Variants in DNAJC10 observed in about 807,000 individuals in gnomAD.
The protein encoded by DNAJC10 is DnaJ heat shock protein family (Hsp40) member C10.
In DNAJC10, 101 loss-of-function variants were observed where a neutral mutation model predicts 115.0. The observed-to-expected ratio is 0.88, with a 90% CI of 0.75 to 1.04. DNAJC10 has a LOEUF of 1.04. DNAJC10 is among the 50% of genes least tolerant of loss of function. DNAJC10 has a pLI of 0.00. For synonymous variants in DNAJC10, 307 were observed against 301.5 expected, an observed-to-expected ratio of 1.02 and a Z score of -0.19; for missense variants, 981 against 928.8, an observed-to-expected ratio of 1.06 and a Z score of -0.73.
At chr2:182,740,190 T>C in intron 11 of DNAJC10, 109 bp from the exon 12 acceptor site, 3 of 1,185,458 alleles carry the variant, frequency 2.5e-6, no homozygotes, top group Non-Finnish European at 3.3e-6. Context: ...CTATTTACCT[T>C]CTATAATCAT....
In DNAJC10 at chr2:182,759,087, T is replaced by G. The variant is rs979978198; in HGVS notation, c.1998-73T>G. On this transcript the variant is annotated intron_variant, in intron 20 of 23. Coordinates refer to ENST00000264065, the MANE Select transcript of DNAJC10 (RefSeq NM_018981.4). ...ACATCATTTTTAACTTAGAAAGTAT[T>G]ACAATATTATTGCATTTCATATGTT... is the stretch of plus-strand genomic sequence containing the variant. 4.0e-5 allele frequency: 53 copies of G among 1,316,266 alleles called. 1 individual carries two copies. In the Middle Eastern group the frequency reaches 5.9e-4, roughly 15 times the overall value. 81.5% of individuals were successfully genotyped at this position (1,316,266 alleles called of 1,614,324 possible).
At chr2:182,759,955 G>A (rs1029980883) in intron 21 of DNAJC10, among the ~76,000 whole-genome samples, 1 of 152,056 alleles carries the variant, frequency 6.6e-6, no homozygotes, top group East Asian at 1.9e-4. Context: ...TTGTTCAAGA[G>A]TCATCTATGG....
At position 182,720,098 on chromosome 2, in the gene DNAJC10, A is replaced by G; in HGVS notation, c.296A>G (p.Tyr99Cys). ...DEDLRKKYDK[Y>C]GEKGLEDNQG... ...GATCTACGGAAAAAGTATGACAAATATGGAGAAAAGGGACTTGAGGATAAT... is the reference window on the plus strand; with the variant it reads ...GATCTACGGAAAAAGTATGACAAATGTGGAGAAAAGGGACTTGAGGATAAT... Residue 99 changes from tyrosine to cysteine, a missense_variant, in exon 4 of 24, where the codon TAT becomes TGT. Tyr to Cys is a radical substitution (Grantham distance 194, BLOSUM62 -2). Coordinates refer to ENST00000264065, the MANE Select transcript of DNAJC10 (RefSeq NM_018981.4). The G allele has an allele frequency of 1.2e-6, 2 of 1,611,812 alleles. No individual in the cohort carries two copies. The highest frequency in any genetic ancestry group is 1.7e-6 in the Non-Finnish European group (2 of 1,178,360).
chr2:182,783,598 A>AT lies in DNAJC10; in HGVS notation c.*6471dup, dbSNP rs1377023890. On this transcript the variant is annotated 3_prime_UTR_variant, in exon 24 of 24. Transcript: ENST00000264065. The stretch of plus-strand genomic sequence containing the variant: ...GTAAAGTCTGTTCCATTTTTCCTCT[A>AT]TTTTTGAGAAATCTTAGATTTATCT... 1 of 152,102 alleles carries AT rather than the reference A, an allele frequency of 6.6e-6. No individual in the cohort carries two copies. Among genetic ancestry groups the AT allele is most frequent in the Non-Finnish European group, 1.5e-5 (1 of 68,008 alleles). The allele number at this position is 152,102 out of a possible 1,614,324, so 9.4% of individuals were successfully genotyped here.
At chr2:182,734,650 CTG>C (rs1693541012) in intron 10 of DNAJC10, among the ~76,000 whole-genome samples, 1 of 151,790 alleles carries the variant, frequency 6.6e-6, no homozygotes, top group Non-Finnish European at 1.5e-5. Context: ...CTATCAATAA[CTG>C]AGAGAGTGTC....
intron 22 of DNAJC10, among the ~76,000 whole-genome samples, chr2:182,765,236 A>G (rs1270530364): frequency 6.6e-6 from 1 of 152,138 alleles, no homozygotes; most frequent in Non-Finnish European, 1.5e-5. Context: ...ATGGGGAAAA[A>G]AAGGGGGATT....
chr2:182,741,801 G>A (rs548819189), intron 13 of DNAJC10, among the ~76,000 whole-genome samples: 1 of 152,052 alleles, frequency 6.6e-6, no homozygotes, highest in East Asian at 1.9e-4. Flanking sequence ...CATTTTGTGA[G>A]TGCCCATATG....
chr2:182,741,663 C>A (rs1693740948), intron 13 of DNAJC10, among the ~76,000 whole-genome samples: 1 of 151,868 alleles, frequency 6.6e-6, no homozygotes, highest in Non-Finnish European at 1.5e-5. Flanking sequence ...ATAAGTAATT[C>A]TTGGTCGTTG....
rs749894717 is a variant in DNAJC10, at chr2:182,755,086, A to C, written c.1635A>C (p.Gln545His). ...HEYEGHHSAE[Q>H]ILEFIEDLMN... is the part of the protein sequence containing the mutation. ...ATGAAGGACATCACTCTGCTGAACA[A>C]ATCTTGGAGTTCATAGAGGTATTTC... The change falls in exon 17 of 24, where the codon CAA becomes CAC. Residue 545 changes from glutamine (Q) to histidine (H), a missense_variant. Transcript: ENST00000264065. 7 of 1,600,544 alleles carry C rather than the reference A, an allele frequency of 4.4e-6. No homozygotes were observed. The highest frequency in any genetic ancestry group is 1.7e-6 in the Non-Finnish European group (2 of 1,167,882).
At chr2:182,770,928 A>G (rs1166057585) in intron 22 of DNAJC10, among the ~76,000 whole-genome samples, 3 of 152,100 alleles carry the variant, frequency 2.0e-5, no homozygotes, top group Non-Finnish European at 2.9e-5. Context: ...CATTCAGTAT[A>G]ATATTGGCTG....
rs533468569 is a variant in DNAJC10, at chr2:182,793,923, T to C, written c.*16791T>C. ...TGGAGCTTGAAGTATTCTAGAAGAC[T>C]TTGGAGCAAAGCCTTCCAAATTCTG... On this transcript the variant is annotated 3_prime_UTR_variant, in exon 24 of 24. Transcript: ENST00000264065. The C allele has an allele frequency of 2.6e-5, 4 of 151,726 alleles. No homozygotes were observed. The highest frequency in any genetic ancestry group is 9.7e-5 in the African/African-American group (4 of 41,236). 9.4% of individuals were successfully genotyped at this position (151,726 alleles called of 1,614,324 possible). A position where few individuals can be genotyped will look rare whatever the true frequency, so the allele number is the denominator to read the frequency against.
intron 11 of DNAJC10, 70 bp from the exon 12 acceptor site, chr2:182,740,228 GA>G: frequency 8.4e-7 from 1 of 1,196,516 alleles, no homozygotes; most frequent in East Asian, 3.2e-5. Flanking sequence ...ATTGGAAATT[GA>G]AAAAACAAAA....
rs200031184 is a variant in DNAJC10, at chr2:182,728,878, A to G, written c.517A>G (p.Lys173Glu). ...TCTGTCATAGTGGAGAGACTTTGCTAAAGAAGTGGATGGGTTACTTCGAAT... is the reference window on the plus strand; with the variant it reads ...TCTGTCATAGTGGAGAGACTTTGCTGAAGAAGTGGATGGGTTACTTCGAAT... ...DLAPTWRDFA[K>E]EVDGLLRIGA... The change falls in exon 7 of 24, where the codon AAA (lysine) becomes GAA (glutamate). Residue 173 changes from lysine (K) to glutamate (E), a missense_variant. By Grantham distance (56) the Lys-to-Glu change is moderately conservative. Coordinates refer to ENST00000264065, the MANE Select transcript of DNAJC10 (RefSeq NM_018981.4). 2.5e-6 allele frequency: 4 copies of G among 1,614,130 alleles called. No homozygotes were observed. The East Asian group carries it at 6.7e-5, about 27-fold the overall frequency.
Position 182,789,070 on chromosome 2 carries a change from G to A in DNAJC10, c.*11938G>A, listed in dbSNP as rs1453434392. ...AAGCAAAACCTTTTTATTTACCAAT[G>A]CTGCTAGACCCTGACAACCACCACC... On this transcript the variant is annotated 3_prime_UTR_variant, in exon 24 of 24. Transcript: ENST00000264065. The A allele has an allele frequency of 7.8e-6, 2 of 257,574 alleles. No homozygotes were observed. The highest frequency in any genetic ancestry group is 1.1e-4 in the Admixed American group (2 of 18,802). The allele number at this position is 257,574 out of a possible 1,614,324, so 16.0% of individuals were successfully genotyped here. A position where few individuals can be genotyped will look rare whatever the true frequency, so the allele number is the denominator to read the frequency against.
At position 182,751,669 on chromosome 2, in the gene DNAJC10, C is replaced by T. The variant is rs1694021745; in HGVS notation, c.1318C>T (p.Leu440=). ...ATTCACTTTGAAAGGAAAGAAGATT[C>T]TATATGATATACTTGCCTTTGCCAA... ...EYEIHHGKKI[L]YDILAFAKES... Residue 440 remains leucine (L), a synonymous_variant, in exon 15 of 24, where the codon CTA becomes TTA. Transcript: ENST00000264065. The T allele has an allele frequency of 1.2e-6, 2 of 1,613,154 alleles. No homozygotes were observed. The highest frequency in any genetic ancestry group is 4.5e-5 in the East Asian group (2 of 44,858).
intron 9 of DNAJC10, 128 bp from the exon 10 acceptor site, chr2:182,732,371 T>A: frequency 1.2e-6 from 1 of 818,096 alleles, no homozygotes; most frequent in East Asian, 2.5e-5. Context: ...TTTCCATATC[T>A]ATCAATAGAG....
rs372492290 is a variant in DNAJC10 at position 182,772,642 on chromosome 2, GTGTTT to G, written c.2266-2647_2266-2643del. ...TCAGAGACTAGGATTGCAACCCATG[GTGTTT>G]TGTTTTGTTTTGTTTTGTTTTGTTT... On this transcript the variant is annotated intron_variant, in intron 22 of 23. Transcript: ENST00000264065. Among the ~76,000 whole-genome samples the G allele has an allele frequency of 8.2e-3, 1,158 of 141,320 alleles. 15 individuals are homozygous for G. The highest frequency in any genetic ancestry group is 0.028 in the African/African-American group (1,081 of 39,142). 92.7% of individuals were successfully genotyped at this position (141,320 alleles called of 152,430 possible).
intron 22 of DNAJC10, among the ~76,000 whole-genome samples, chr2:182,767,587 G>A (rs1250258731): frequency 6.6e-6 from 1 of 151,870 alleles, no homozygotes; most frequent in African/African-American, 2.4e-5. Flanking sequence ...TGATCACGTC[G>A]AGGGCACCAC....
chr2:182,773,706 G>C (rs1559028783), intron 22 of DNAJC10, among the ~76,000 whole-genome samples: 1 of 152,124 alleles, frequency 6.6e-6, no homozygotes, highest in African/African-American at 2.4e-5. Flanking sequence ...TCTCTACACT[G>C]TTTATTCTAG....
Sources: gnomAD v4.1 joint callset for allele counts (sites outside exome capture counted in the v4.1 genomes callset) on GRCh38, gnomAD v4.1.1 for gene constraint, MANE v1.5 for transcripts, NCBI Gene and HGNC (gene_info 2026-07-23, HGNC 2026-07-21) for gene names.